Variants in HS3ST3B1 observed in about 807,000 individuals in gnomAD.
HS3ST3B1 encodes the protein heparan sulfate-glucosamine 3-sulfotransferase 3B1.
A neutral mutation model predicts 21.3 loss-of-function variants in HS3ST3B1; 13 were observed. The ratio of observed to expected loss-of-function variants is 0.61; its 90% CI spans 0.40 to 0.97. The LOEUF (loss-of-function observed/expected upper bound fraction) is 0.97, where lower values mean the gene tolerates loss of function less well. HS3ST3B1 is among the 50% of genes least tolerant of loss of function. The pLI is 0.00. For missense variants in HS3ST3B1, 459 were observed against 554.8 expected (o/e 0.83, Z 1.73); for synonymous variants, 234 against 254.8 (o/e 0.92, Z 0.78).
At position 14,349,056 on chromosome 17, in the gene HS3ST3B1, C is replaced by G. The variant is rs1910653227; in HGVS notation, c.*3410C>G. The G allele has an allele frequency of 6.6e-6, 1 of 152,142 alleles. No homozygotes were observed. Among genetic ancestry groups the G allele is most frequent in the Non-Finnish European group, 1.5e-5 (1 of 68,026 alleles). 9.4% of individuals were successfully genotyped at this position (152,142 alleles called of 1,614,324 possible). On this transcript the variant is annotated 3_prime_UTR_variant, in exon 2 of 2. Transcript: ENST00000360954. The stretch of plus-strand genomic sequence containing the variant: ...ATGGAAGATTCCAATAAACTAGAAA[C>G]AGTACGTATCTAAGATGCTGACACA...
intron 1 of HS3ST3B1, chr17:14,329,455 GGAGA>G (rs367982703): frequency 3.4e-5 from 5 of 145,756 alleles, no homozygotes; most frequent in East Asian, 2.0e-4. Flanking sequence ...AGGGAGGGAG[GGAGA>G]GAGAGAGAAA....
chr17:14,306,879 C>T (rs1909155082), intron 1 of HS3ST3B1, among the ~76,000 whole-genome samples: 1 of 152,078 alleles, frequency 6.6e-6, no homozygotes, highest in African/African-American at 2.4e-5. Context: ...TACAAACCAT[C>T]ATGTTACAAA....
chr17:14,325,631 G>C (rs944095279), intron 1 of HS3ST3B1, among the ~76,000 whole-genome samples: 1 of 152,194 alleles, frequency 6.6e-6, no homozygotes, highest in African/African-American at 2.4e-5. Flanking sequence ...TCTAAACAGT[G>C]CAAGTTTTCC....
At chr17:14,338,512 G>A (rs140658668) in intron 1 of HS3ST3B1, among the ~76,000 whole-genome samples, 2,940 of 147,672 alleles carry the variant, frequency 0.02, 63 homozygotes, top group Non-Finnish European at 0.026. Flanking sequence ...GCACCATCTC[G>A]GCTCACTGCA....
At chr17:14,302,956 C>T (rs972101275) in intron 1 of HS3ST3B1, among the ~76,000 whole-genome samples, 1 of 152,156 alleles carries the variant, frequency 6.6e-6, no homozygotes, top group African/African-American at 2.4e-5. Flanking sequence ...TCGCGGCTTC[C>T]GGAAATTCTG....
chr17:14,302,122 A>G, intron 1 of HS3ST3B1, 50 bp downstream of exon 1: 1 of 1,527,838 alleles, frequency 6.5e-7, no homozygotes, highest in Non-Finnish European at 8.8e-7. Context: ...TCAGACCCTG[A>G]GCTAAGGGAG....
intron 1 of HS3ST3B1, among the ~76,000 whole-genome samples, chr17:14,315,840 T>C (rs72818692): frequency 0.45 from 66,960 of 150,294 alleles, 18,340 homozygotes; most frequent in Non-Finnish European, 0.61. Flanking sequence ...AAAAAATTAA[T>C]AGGTAGAGGG....
At chr17:14,340,995 G>A (rs1459364160) in intron 1 of HS3ST3B1, among the ~76,000 whole-genome samples, 1 of 152,156 alleles carries the variant, frequency 6.6e-6, no homozygotes, top group Non-Finnish European at 1.5e-5. Flanking sequence ...GGCTCCTTGA[G>A]TGCTTTCTGA....
In HS3ST3B1 at chr17:14,301,849, C is replaced by G; in HGVS notation, c.331C>G (p.Pro111Ala). Residue 111 changes from proline (P) to alanine (A), a missense_variant, in exon 1 of 2, where the codon CCG becomes GCG. This residue lies in a region of HS3ST3B1 where 317 missense variants were observed against 278.6 expected (regional missense o/e 1.14). Coordinates refer to ENST00000360954, the MANE Select transcript of HS3ST3B1 (RefSeq NM_006041.3). ...GGAGATGGCCGAGGGCGCTGCGAGC[C>G]CGGAGGAGCAGAGTCCCGAGGTGCC... Reference protein sequence around the residue: ...GKEMAEGAASPEEQSPEVPDS... With the variant: ...GKEMAEGAASAEEQSPEVPDS... 2 of 1,593,934 alleles carry G rather than the reference C, an allele frequency of 1.3e-6. No individual in the cohort carries two copies. Among genetic ancestry groups the G allele is most frequent in the Non-Finnish European group, 1.7e-6 (2 of 1,171,588 alleles).
At chr17:14,311,539 G>T (rs1022529167) in intron 1 of HS3ST3B1, among the ~76,000 whole-genome samples, 1 of 152,156 alleles carries the variant, frequency 6.6e-6, no homozygotes. Flanking sequence ...GTGTTGACAC[G>T]CTATCACTCA....
intron 1 of HS3ST3B1, among the ~76,000 whole-genome samples, chr17:14,335,762 C>T (rs1490865114): frequency 6.6e-6 from 1 of 151,992 alleles, no homozygotes; most frequent in Non-Finnish European, 1.5e-5. Context: ...CAATATTTTC[C>T]CCAAAGCAGT....
chr17:14,335,432 T>A (rs1050265464), intron 1 of HS3ST3B1, among the ~76,000 whole-genome samples: 1 of 152,136 alleles, frequency 6.6e-6, no homozygotes, highest in Non-Finnish European at 1.5e-5. Flanking sequence ...CGGTGGCTCA[T>A]GCCTGTAATC....
rs180679904 is a variant in HS3ST3B1 at position 14,311,612 on chromosome 17, C to T, written c.554+9540C>T. ...TGTACATTGTTTAGGGTTGGACAAA[C>T]GGGTAATGACCTGTATCCCACATTA... On this transcript the variant is annotated intron_variant, in intron 1 of 1. Transcript: ENST00000360954. Among the ~76,000 whole-genome samples, 144 of 152,270 alleles carry T rather than the reference C, an allele frequency of 9.5e-4. No individual in the cohort carries two copies. The Middle Eastern group carries it at 0.01, about 11-fold the overall frequency.
chr17:14,301,914 T>A lies in HS3ST3B1; in HGVS notation c.396T>A (p.Ser132=). Reference sequence around the variant, plus strand: ...CCATCTCCAGCTTTTTCAGTGGGTCTGGGAGCAAGCAGCTGCCGCAGGCCA... The same window carrying A: ...CCATCTCCAGCTTTTTCAGTGGGTCAGGGAGCAAGCAGCTGCCGCAGGCCA... ...PSPISSFFSG[S]GSKQLPQAII... Residue 132 remains serine, a synonymous_variant, in exon 1 of 2, where the codon TCT becomes TCA. Coordinates refer to ENST00000360954, the MANE Select transcript of HS3ST3B1 (RefSeq NM_006041.3). 1 of 1,609,670 alleles carries A rather than the reference T, an allele frequency of 6.2e-7. No individual in the cohort carries two copies. Among genetic ancestry groups the A allele is most frequent in the Non-Finnish European group, 8.5e-7 (1 of 1,178,694 alleles).
At position 14,348,058 on chromosome 17, in the gene HS3ST3B1, G is replaced by A. The variant is rs1238329782; in HGVS notation, c.*2412G>A. On this transcript the variant is annotated 3_prime_UTR_variant, in exon 2 of 2. Coordinates refer to ENST00000360954, the MANE Select transcript of HS3ST3B1 (RefSeq NM_006041.3). Reference sequence around the variant, plus strand: ...CAAGTCCTTCACCTGGTCTTGCCCTGTCTACTTTCTGATCATTCTGATGGT... The same window carrying A: ...CAAGTCCTTCACCTGGTCTTGCCCTATCTACTTTCTGATCATTCTGATGGT... 6.6e-6 allele frequency: 1 copy of A among 152,218 alleles called. No individual in the cohort carries two copies. The highest frequency in any genetic ancestry group is 1.5e-5 in the Non-Finnish European group (1 of 68,038). The allele number at this position is 152,218 out of a possible 1,614,324, so 9.4% of individuals were successfully genotyped here.
chr17:14,319,902 A>G lies in HS3ST3B1; in HGVS notation c.554+17830A>G, dbSNP rs142267777. ...ACCCAAGCAATGTACACTGTACCCA[A>G]TGTTTAGTCTTTGATTCCTCACCAC... On this transcript the variant is annotated intron_variant, in intron 1 of 1. Coordinates refer to ENST00000360954, the MANE Select transcript of HS3ST3B1 (RefSeq NM_006041.3). Among the ~76,000 whole-genome samples, 90 of 152,188 alleles carry G rather than the reference A, an allele frequency of 5.9e-4. 1 individual carries two copies. In the East Asian group the frequency reaches 0.016, roughly 27 times the overall value.
At chr17:14,309,487 G>C (rs1230321659) in intron 1 of HS3ST3B1, among the ~76,000 whole-genome samples, 1 of 152,034 alleles carries the variant, frequency 6.6e-6, no homozygotes, top group Non-Finnish European at 1.5e-5. Flanking sequence ...TGGGTGGAGG[G>C]GCTGCGGAGA....
intron 1 of HS3ST3B1, among the ~76,000 whole-genome samples, chr17:14,323,171 G>T (rs1432135603): frequency 6.6e-6 from 1 of 152,120 alleles, no homozygotes; most frequent in Non-Finnish European, 1.5e-5. Context: ...CTCCCAAAGT[G>T]TTGGGATTAC....
intron 1 of HS3ST3B1, chr17:14,304,718 G>A (rs144546323): frequency 1.3e-5 from 2 of 152,170 alleles, no homozygotes; most frequent in Non-Finnish European, 2.9e-5. Context: ...TTGGAGAAGA[G>A]TATAAATAGT....
Sources: gnomAD v4.1 joint callset for allele counts (sites outside exome capture counted in the v4.1 genomes callset) on GRCh38, gnomAD v4.1.1 for gene constraint, gnomAD v4.1.1 regional missense constraint, MANE v1.5 for transcripts, NCBI Gene and HGNC (gene_info 2026-07-23, HGNC 2026-07-21) for gene names.